The following NEK11 variants were observed in gnomAD, a reference collection of about 807,000 sequenced individuals.
NEK11 encodes the protein serine/threonine-protein kinase Nek11.
NEK11 carries 72 observed loss-of-function variants against 80.7 expected under a neutral mutation model. That is an observed-to-expected ratio of 0.89 (90% CI 0.74 to 1.08). The LOEUF (loss-of-function observed/expected upper bound fraction) is 1.08, where lower values mean the gene tolerates loss of function less well. Ranked by LOEUF, NEK11 falls within the 50% of genes least tolerant of loss-of-function variation. The probability of loss-of-function intolerance (pLI) is 0.00; values close to 1 mark genes in which losing one functional copy is unlikely to be tolerated. For missense variants in NEK11, 764 were observed against 763.6 expected, an observed-to-expected ratio of 1.00 and a Z score of -0.01; for synonymous variants, 251 against 260.7, an observed-to-expected ratio of 0.96 and a Z score of 0.36.
rs111287790 is a variant in NEK11 at position 131,202,424 on chromosome 3, C to T, written c.1400-26104C>T. On this transcript the variant is annotated intron_variant, in intron 14 of 17. Coordinates refer to ENST00000383366, the MANE Select transcript of NEK11 (RefSeq NM_024800.5). ...GCACTTTTACAATGGTCTTAGCAAA[C>T]GGCACACCAGGAGATTATATCCAGC... is the stretch of plus-strand genomic sequence containing the variant. Among the ~76,000 whole-genome samples, 429 of 152,252 alleles carry T rather than the reference C, an allele frequency of 2.8e-3. 2 individuals are homozygous for T. Among genetic ancestry groups the T allele is most frequent in the African/African-American group, 9.5e-3 (395 of 41,546 alleles).
intron 17 of NEK11, among the ~76,000 whole-genome samples, chr3:131,319,749 G>A (rs1581888902): frequency 6.6e-6 from 1 of 152,078 alleles, no homozygotes; most frequent in East Asian, 1.9e-4. Flanking sequence ...CTCCTTCAAG[G>A]ACACATACAT....
intron 11 of NEK11, among the ~76,000 whole-genome samples, chr3:131,163,967 CCAA>C (rs2091939851): frequency 1.3e-5 from 2 of 152,024 alleles, no homozygotes; most frequent in African/African-American, 4.8e-5. Flanking sequence ...TTTAGGAGCC[CCAA>C]TCAAGAACTA....
chr3:131,182,745 T>C (rs918085269), intron 14 of NEK11, among the ~76,000 whole-genome samples: 2 of 152,214 alleles, frequency 1.3e-5, no homozygotes, highest in Non-Finnish European at 2.9e-5. Flanking sequence ...ATTGCATGCA[T>C]TGGCGCCTGG....
chr3:131,193,758 G>C (rs1579929344), intron 14 of NEK11, among the ~76,000 whole-genome samples: 2 of 152,030 alleles, frequency 1.3e-5, no homozygotes, highest in East Asian at 3.9e-4. Flanking sequence ...GAAATTGTTG[G>C]GGGGCCTCCT....
At chr3:131,139,004 G>A (rs185327853) in intron 7 of NEK11, among the ~76,000 whole-genome samples, 3 of 152,088 alleles carry the variant, frequency 2.0e-5, no homozygotes, top group Non-Finnish European at 4.4e-5. Context: ...AGACCAACCA[G>A]GAAAACATGA....
Position 131,080,426 on chromosome 3 carries a change from G to T in NEK11, c.174G>T (p.Lys58Asn). The T allele has an allele frequency of 1.3e-6, 2 of 1,587,866 alleles. No individual in the cohort carries two copies. The highest frequency in any genetic ancestry group is 2.2e-5 in the East Asian group (1 of 44,710). Reference protein sequence around the residue: ...DKKAKRGEELKVLKEISVGEL... With the variant: ...DKKAKRGEELNVLKEISVGEL... The stretch of plus-strand genomic sequence containing the variant: ...TTAAAATTTTTTTTGATCTCAGAAA[G>T]GTACTTAAGGAAATATCTGTTGGAG... The change falls in exon 4 of 18, where the codon AAG (lysine) becomes AAT (asparagine). Residue 58 changes from lysine to asparagine, a missense_variant. Lys to Asn is a moderately conservative substitution (Grantham distance 94). Coordinates refer to ENST00000383366, the MANE Select transcript of NEK11 (RefSeq NM_024800.5).
chr3:131,333,500 C>G (rs1004320592), intron 17 of NEK11, among the ~76,000 whole-genome samples: 1 of 152,118 alleles, frequency 6.6e-6, no homozygotes, highest in Admixed American at 6.5e-5. Flanking sequence ...CCGGTACCAG[C>G]CACTGCAAAA....
chr3:131,238,183 C>G (rs60688165), intron 15 of NEK11, among the ~76,000 whole-genome samples: 17,992 of 152,116 alleles, frequency 0.12, 1,304 homozygotes, highest in Admixed American at 0.16. Context: ...TCAGGGAGGA[C>G]TCTGACCACC....
chr3:131,066,122 T>C (rs1364859142), intron 3 of NEK11, among the ~76,000 whole-genome samples: 1 of 152,204 alleles, frequency 6.6e-6, no homozygotes, highest in African/African-American at 2.4e-5. Context: ...ATACCACAAC[T>C]AATTGCTTCT....
intron 17 of NEK11, among the ~76,000 whole-genome samples, chr3:131,284,986 A>G (rs1450684567): frequency 6.6e-6 from 1 of 152,120 alleles, no homozygotes; most frequent in Non-Finnish European, 1.5e-5. Context: ...TCATATATAC[A>G]TCTATCCTAT....
chr3:131,208,840 C>T (rs993438419), intron 14 of NEK11, among the ~76,000 whole-genome samples: 6 of 152,150 alleles, frequency 3.9e-5, no homozygotes, highest in Admixed American at 2.6e-4. Flanking sequence ...GCTGAAGTTG[C>T]TTATCAGTTT....
chr3:131,214,250 G>A (rs549706093), intron 14 of NEK11, among the ~76,000 whole-genome samples: 4 of 152,314 alleles, frequency 2.6e-5, no homozygotes, highest in African/African-American at 9.6e-5. Context: ...AAAGTAACCT[G>A]AAATCATTCA....
intron 9 of NEK11, among the ~76,000 whole-genome samples, chr3:131,153,777 C>T (rs905448305): frequency 7.9e-5 from 12 of 152,140 alleles, no homozygotes; most frequent in African/African-American, 2.9e-4. Context: ...TGAAGCTTGA[C>T]TGCTAGTGAG....
chr3:131,349,853 A>C lies in NEK11; in HGVS notation c.*77A>C. The C allele has an allele frequency of 1.9e-6, 2 of 1,060,554 alleles. No homozygotes were observed. Among genetic ancestry groups the C allele is most frequent in the Non-Finnish European group, 2.8e-6 (2 of 708,250 alleles). The allele number at this position is 1,060,554 out of a possible 1,614,324, so 65.7% of individuals were successfully genotyped here. On this transcript the variant is annotated 3_prime_UTR_variant, in exon 18 of 18. Transcript: ENST00000383366. ...TCATTTAACATATAAGCTGAACTCT[A>C]TTATGGGGAATGGATACAAAAGCAG... is the stretch of plus-strand genomic sequence containing the variant.
chr3:131,061,260 T>G (rs983315449), intron 3 of NEK11, among the ~76,000 whole-genome samples: 2 of 152,216 alleles, frequency 1.3e-5, no homozygotes, highest in African/African-American at 4.8e-5. Context: ...TGTTCTAGAC[T>G]GCAGAAGTGG....
At chr3:131,086,820 C>G (rs1314141099) in intron 4 of NEK11, among the ~76,000 whole-genome samples, 2 of 152,120 alleles carry the variant, frequency 1.3e-5, no homozygotes, top group Non-Finnish European at 2.9e-5. Flanking sequence ...ACTATTTGTA[C>G]ACAAATGCAA....
At chr3:131,123,607 T>C (rs1039698620) in intron 5 of NEK11, among the ~76,000 whole-genome samples, 3 of 152,158 alleles carry the variant, frequency 2.0e-5, no homozygotes, top group African/African-American at 7.2e-5. Context: ...TCTTAAAGTA[T>C]CTACTGATGA....
chr3:131,043,695 A>G (rs957015922), intron 3 of NEK11, among the ~76,000 whole-genome samples: 1 of 152,214 alleles, frequency 6.6e-6, no homozygotes, highest in African/African-American at 2.4e-5. Flanking sequence ...ACTCATCAGG[A>G]TATTATCCGG....
At chr3:131,187,508 T>C (rs962392065) in intron 14 of NEK11, among the ~76,000 whole-genome samples, 2 of 152,318 alleles carry the variant, frequency 1.3e-5, no homozygotes, top group South Asian at 2.1e-4. Context: ...ATTGGTTTAC[T>C]GAAATTCTCA....
Sources: gnomAD v4.1 joint callset for allele counts (sites outside exome capture counted in the v4.1 genomes callset) on GRCh38, gnomAD v4.1.1 for gene constraint, MANE v1.5 for transcripts, NCBI Gene and HGNC (gene_info 2026-07-23, HGNC 2026-07-21) for gene names.